Variants in GRM7 observed in about 807,000 individuals in gnomAD.
GRM7 encodes the protein glutamate metabotropic receptor 7, also known as metabotropic glutamate receptor 7.
GRM7 carries 35 observed loss-of-function variants against 84.5 expected under a neutral mutation model. The observed-to-expected ratio is 0.41, with a 90% CI of 0.32 to 0.55. GRM7 has a LOEUF of 0.55. Ranked by LOEUF, GRM7 falls within the 20% of genes least tolerant of loss-of-function variation. GRM7 has a pLI of 0.19. For synonymous variants in GRM7, 487 were observed against 455.1 expected (o/e 1.07, Z -0.89); for missense variants, 1,003 against 1,194.6 (o/e 0.84, Z 2.36).
chr3:7,738,720 T>G (rs1702584669), intron 9 of GRM7, among the ~76,000 whole-genome samples: 1 of 148,002 alleles, frequency 6.8e-6, no homozygotes, highest in East Asian at 2.0e-4. Context: ...GCTTCTGGGT[T>G]TTCTTTTTTT....
intron 1 of GRM7, among the ~76,000 whole-genome samples, chr3:6,943,460 CTTTGTTACA>C (rs1697957737): frequency 6.6e-6 from 1 of 151,904 alleles, no homozygotes; most frequent in South Asian, 2.1e-4. Context: ...ATTGAATTGC[CTTTGTTACA>C]AATCTGATGC....
intron 4 of GRM7, among the ~76,000 whole-genome samples, chr3:7,367,228 C>CT (rs35891613): frequency 0.63 from 95,781 of 151,380 alleles, 30,889 homozygotes; most frequent in African/African-American, 0.77. Flanking sequence ...AATGTAGTGC[C>CT]TTTTTTCCCC....
At chr3:7,581,317 C>T (rs1311845361) in intron 8 of GRM7, among the ~76,000 whole-genome samples, 1 of 152,054 alleles carries the variant, frequency 6.6e-6, no homozygotes, top group Non-Finnish European at 1.5e-5. Context: ...GAAATTTAAG[C>T]TTTCAAGCAG....
At chr3:7,399,866 C>T (rs565235597) in intron 4 of GRM7, among the ~76,000 whole-genome samples, 3 of 152,244 alleles carry the variant, frequency 2.0e-5, no homozygotes, top group Non-Finnish European at 2.9e-5. Context: ...GTGAGCCGTG[C>T]TTTTTGTACA....
At chr3:7,118,306 C>A (rs550571557) in intron 1 of GRM7, among the ~76,000 whole-genome samples, 1 of 151,860 alleles carries the variant, frequency 6.6e-6, no homozygotes, top group Non-Finnish European at 1.5e-5. Flanking sequence ...TAGGAAGATC[C>A]TTTTGCCTGG....
At chr3:7,521,632 A>G (rs141746732) in intron 7 of GRM7, among the ~76,000 whole-genome samples, 122 of 152,284 alleles carry the variant, frequency 8.0e-4, no homozygotes, top group African/African-American at 2.6e-3. Flanking sequence ...TGGCAGCTCT[A>G]ATGGACTAAG....
In GRM7 at chr3:7,448,495, T is replaced by C. The variant is rs182829143; in HGVS notation, c.1175-4112T>C. Among the ~76,000 whole-genome samples the C allele has an allele frequency of 4.5e-4, 69 of 152,314 alleles. 1 individual carries two copies. Among genetic ancestry groups the C allele is most frequent in the Non-Finnish European group, 7.5e-4 (51 of 68,036 alleles). The stretch of plus-strand genomic sequence containing the variant: ...TTACTCACATTGGTGGCCTCCAATA[T>C]CTGAACAGAATCAGATTTCAGTTGG... On this transcript the variant is annotated intron_variant, in intron 5 of 9. Transcript: ENST00000357716.
intron 9 of GRM7, among the ~76,000 whole-genome samples, chr3:7,692,003 G>A (rs374652486): frequency 5.9e-5 from 9 of 151,780 alleles, no homozygotes; most frequent in Admixed American, 2.6e-4. Context: ...TTTTGTTTTC[G>A]TTACATTTTT....
chr3:7,078,414 A>T (rs12054141), intron 1 of GRM7, among the ~76,000 whole-genome samples: 4 of 152,076 alleles, frequency 2.6e-5, no homozygotes, highest in African/African-American at 9.7e-5. Context: ...GCTGCTGCTG[A>T]TGATGATGTT....
At chr3:7,052,365 C>T (rs1479290443) in intron 1 of GRM7, among the ~76,000 whole-genome samples, 1 of 151,596 alleles carries the variant, frequency 6.6e-6, no homozygotes, top group Non-Finnish European at 1.5e-5. Context: ...AACTTTTAGG[C>T]ATTGATTTTT....
At chr3:7,099,183 C>CATATATATAT (rs112788452) in intron 1 of GRM7, among the ~76,000 whole-genome samples, 1 of 146,502 alleles carries the variant, frequency 6.8e-6, no homozygotes, top group African/African-American at 2.5e-5. Context: ...GGTTTAATTG[C>CATATATATAT]ATATATATAT....
At chr3:7,029,668 C>A (rs1574809270) in intron 1 of GRM7, among the ~76,000 whole-genome samples, 1 of 152,054 alleles carries the variant, frequency 6.6e-6, no homozygotes, top group Non-Finnish European at 1.5e-5. Flanking sequence ...TTCATAGTGA[C>A]AGAAAGTTGA....
intron 5 of GRM7, among the ~76,000 whole-genome samples, chr3:7,439,199 C>A (rs1046707925): frequency 6.6e-6 from 1 of 152,104 alleles, no homozygotes; most frequent in African/African-American, 2.4e-5. Flanking sequence ...TGAGCAGAGA[C>A]AATGACCACT....
intron 2 of GRM7, among the ~76,000 whole-genome samples, chr3:7,244,916 C>A (rs909002479): frequency 5.3e-5 from 8 of 151,838 alleles, no homozygotes; most frequent in African/African-American, 1.9e-4. Context: ...TGTTTAAGAA[C>A]TTACAGGGAA....
At chr3:7,728,092 T>C (rs749789202) in intron 9 of GRM7, among the ~76,000 whole-genome samples, 1 of 152,126 alleles carries the variant, frequency 6.6e-6, no homozygotes, top group Non-Finnish European at 1.5e-5. Context: ...CCACTGAACT[T>C]AACAGGACTT....
chr3:6,948,356 T>G (rs1698171536), intron 1 of GRM7, among the ~76,000 whole-genome samples: 1 of 152,264 alleles, frequency 6.6e-6, no homozygotes, highest in Admixed American at 6.5e-5. Context: ...CCCATGTAGC[T>G]GAGCGGTTTT....
intron 9 of GRM7, among the ~76,000 whole-genome samples, chr3:7,697,491 G>C (rs984584174): frequency 2.6e-5 from 4 of 152,128 alleles, no homozygotes; most frequent in African/African-American, 4.8e-5. Flanking sequence ...TTAAAGAGCT[G>C]TAATATTTTT....
intron 8 of GRM7, among the ~76,000 whole-genome samples, chr3:7,679,407 G>T (rs184712937): frequency 6.6e-6 from 1 of 151,888 alleles, no homozygotes; most frequent in Non-Finnish European, 1.5e-5. Context: ...AGAATAAGGC[G>T]TTGCATCTCA....
intron 8 of GRM7, among the ~76,000 whole-genome samples, chr3:7,581,662 G>A (rs1315758881): frequency 6.6e-6 from 1 of 152,116 alleles, no homozygotes; most frequent in South Asian, 2.1e-4. Context: ...TTTTTGTTTA[G>A]CTCTAACAAA....
Sources: allele counts gnomAD v4.1 joint callset (sites outside exome capture counted in the v4.1 genomes callset), GRCh38; gene constraint gnomAD v4.1.1; transcripts MANE v1.5; gene names NCBI Gene and HGNC (gene_info 2026-07-23, HGNC 2026-07-21).